KALRN: variants seen among roughly 807,000 people sequenced by gnomAD.
The protein encoded by KALRN is kalirin.
KALRN carries 70 observed loss-of-function variants against 353.7 expected under a neutral mutation model. That is an observed-to-expected ratio of 0.20 (90% CI 0.16 to 0.24). KALRN has a LOEUF of 0.24. Among genes scored for constraint, KALRN ranks in the 10% least tolerant of loss-of-function variants. The pLI is 1.00. For synonymous variants in KALRN, 1,391 were observed against 1,434.8 expected, an observed-to-expected ratio of 0.97 and a Z score of 0.69; for missense variants, 2,791 against 3,756.7, an observed-to-expected ratio of 0.74 and a Z score of 6.72.
intron 37 of KALRN, among the ~76,000 whole-genome samples, chr3:124,646,412 A>ATTTTTTTTTTTTTTTTTTTTT (rs1559758779): frequency 8.0e-5 from 10 of 125,526 alleles, no homozygotes; most frequent in Non-Finnish European, 1.1e-4. Context: ...TTTTTTTGAG[A>ATTTTTTTTTTTTTTTTTTTTT]CAGAGCCTTG....
At chr3:124,388,274 T>C (rs9823796) in intron 11 of KALRN, among the ~76,000 whole-genome samples, 17,729 of 152,198 alleles carry the variant, frequency 0.12, 1,277 homozygotes, top group Non-Finnish European at 0.16. Flanking sequence ...TTCTTTAAAG[T>C]AGGAAGTTTC....
chr3:124,481,416 C>T (rs1233533379), intron 27 of KALRN, among the ~76,000 whole-genome samples: 7 of 152,016 alleles, frequency 4.6e-5, no homozygotes, highest in East Asian at 1.9e-4. Flanking sequence ...CATGTTGCCC[C>T]GGCTGGTCTT....
intron 15 of KALRN, among the ~76,000 whole-genome samples, chr3:124,424,820 C>T (rs2092944448): frequency 6.6e-6 from 1 of 152,100 alleles, no homozygotes; most frequent in South Asian, 2.1e-4. Context: ...AGAACATGCC[C>T]ATGGGGAGAA....
chr3:124,185,458 C>T (rs2074103523), intron 1 of KALRN, among the ~76,000 whole-genome samples: 1 of 152,206 alleles, frequency 6.6e-6, no homozygotes, highest in Admixed American at 6.5e-5. Flanking sequence ...CCTCTCTTCC[C>T]TGCTACCTTT....
chr3:124,465,977 C>G (rs2060294717), intron 25 of KALRN, among the ~76,000 whole-genome samples: 1 of 151,800 alleles, frequency 6.6e-6, no homozygotes, highest in African/African-American at 2.4e-5. Flanking sequence ...TAGTATTGAT[C>G]TGTCTAAATG....
In KALRN at chr3:124,719,410, T is replaced by A; in HGVS notation, c.8901T>A (p.Asp2967Glu). ...TAGAACGTCGCAAGCACCAGAATGA[T>A]GTGCGGCCTATTCCCAATGTCAAGA... ...CFIERRKHQN[D>E]VRPIPNVKSY... The change falls in exon 60 of 60, where the codon GAT (aspartate) becomes GAA (glutamate). Residue 2967 changes from aspartate (D) to glutamate (E), a missense_variant. Coordinates refer to ENST00000682506, the MANE Select transcript of KALRN (RefSeq NM_001388419.1). The surrounding 1 kb of genome is among the most constrained non-coding windows in gnomAD (Gnocchi z 5.3). 6.2e-7 allele frequency: 1 copy of A among 1,614,158 alleles called. No individual in the cohort carries two copies. The highest frequency in any genetic ancestry group is 8.5e-7 in the Non-Finnish European group (1 of 1,180,036).
intron 1 of KALRN, among the ~76,000 whole-genome samples, chr3:124,186,051 GT>G (rs1033958359): frequency 6.6e-6 from 1 of 152,196 alleles, no homozygotes; most frequent in Admixed American, 6.5e-5. Flanking sequence ...CTGGAATCAG[GT>G]TACCTGGTTT....
intron 37 of KALRN, among the ~76,000 whole-genome samples, chr3:124,646,964 C>A (rs531417095): frequency 1.3e-5 from 2 of 152,288 alleles, no homozygotes; most frequent in South Asian, 4.1e-4. Context: ...AACGTTAAGA[C>A]TGACATTTCT....
rs71145464 is a variant in KALRN at position 124,618,086 on chromosome 3, C to CTTTTT, written c.5183-14298_5183-14294dup. Among the ~76,000 whole-genome samples the CTTTTT allele has an allele frequency of 2.1e-3, 133 of 63,354 alleles. 16 individuals are homozygous for CTTTTT. The highest frequency in any genetic ancestry group is 3.4e-3 in the Non-Finnish European group (121 of 36,066). The allele number at this position is 63,354 out of a possible 152,430, so 41.6% of individuals were successfully genotyped here. A position where few individuals can be genotyped will look rare whatever the true frequency, so the allele number is the denominator to read the frequency against. ...GGAAAGAAAATACCAGTGCAGAAAT[C>CTTTTT]TTTTTTTTTTTTTTTTTTTTTTTTT... On this transcript the variant is annotated intron_variant, in intron 34 of 59. Transcript: ENST00000682506.
At chr3:124,705,108 A>G (rs889612518) in intron 57 of KALRN, among the ~76,000 whole-genome samples, 1 of 152,188 alleles carries the variant, frequency 6.6e-6, no homozygotes, top group Non-Finnish European at 1.5e-5. Flanking sequence ...ACAGGCAACA[A>G]TGCAGTATAG....
At position 124,275,937 on chromosome 3, in the gene KALRN, A is replaced by G. The variant is rs532975832; in HGVS notation, c.969+6682A>G. On this transcript the variant is annotated intron_variant, in intron 5 of 59. Transcript: ENST00000682506. ...GGGTGGGGACATCCTCCACAGGGAA[A>G]GTTCTCTGGAAAAACAAGGTCTGTC... Among the ~76,000 whole-genome samples, 12 of 152,274 alleles carry G rather than the reference A, an allele frequency of 7.9e-5. No individual in the cohort carries two copies. In the East Asian group the frequency reaches 2.3e-3, roughly 29 times the overall value.
chr3:124,613,474 C>T (rs909058002), intron 34 of KALRN, among the ~76,000 whole-genome samples: 7 of 152,250 alleles, frequency 4.6e-5, no homozygotes, highest in Admixed American at 4.6e-4. Context: ...GGCAAGATAT[C>T]AGTTTGTTTT....
intron 9 of KALRN, among the ~76,000 whole-genome samples, chr3:124,338,765 G>A (rs1407904486): frequency 6.6e-6 from 1 of 152,072 alleles, no homozygotes; most frequent in Non-Finnish European, 1.5e-5. Flanking sequence ...TATTGTGTGG[G>A]AGTCTCTCTT....
At chr3:124,384,629 C>T in intron 10 of KALRN, 1 of 467,906 alleles carries the variant, frequency 2.1e-6, no homozygotes, top group Non-Finnish European at 3.8e-6. Flanking sequence ...TCTGAGAAAT[C>T]CCAGGGGTGG....
rs1559891345 is a variant in KALRN, at chr3:124,719,012, T to C, written c.8503T>C (p.Phe2835Leu). 2 of 1,614,152 alleles carry C rather than the reference T, an allele frequency of 1.2e-6. No individual in the cohort carries two copies. The highest frequency in any genetic ancestry group is 1.7e-6 in the Non-Finnish European group (2 of 1,180,024). ...GGATGCTGTCCAGATCTCGGGTCAC[T>C]TCCACATTCACCACCTGCTGGGGAA... ...LEDAVQISGH[F>L]HIHHLLGNPE... The change falls in exon 60 of 60, where the codon TTC (phenylalanine) becomes CTC (leucine). Residue 2835 changes from phenylalanine (F) to leucine (L), a missense_variant. Transcript: ENST00000682506. The surrounding 1 kb of genome is among the most constrained non-coding windows in gnomAD (Gnocchi z 5.3).
intron 1 of KALRN, among the ~76,000 whole-genome samples, chr3:124,111,575 C>A (rs1407094674): frequency 2.0e-5 from 3 of 152,196 alleles, no homozygotes; most frequent in African/African-American, 7.2e-5. Flanking sequence ...CTGTGTCTAT[C>A]ACAGTCTGTG....
intron 1 of KALRN, among the ~76,000 whole-genome samples, chr3:124,106,083 T>A (rs948113662): frequency 2.0e-5 from 3 of 152,148 alleles, no homozygotes; most frequent in African/African-American, 7.2e-5. Flanking sequence ...GAATTTGCAA[T>A]AACAGCTTGT....
At chr3:124,406,879 T>G (rs2091610643) in intron 13 of KALRN, among the ~76,000 whole-genome samples, 1 of 136,564 alleles carries the variant, frequency 7.3e-6, no homozygotes, top group Non-Finnish European at 1.5e-5. Flanking sequence ...TCACCCAAGC[T>G]GGAGTGCAGT....
chr3:124,500,426 A>T (rs922645899), intron 33 of KALRN, among the ~76,000 whole-genome samples: 1 of 152,274 alleles, frequency 6.6e-6, no homozygotes, highest in East Asian at 1.9e-4. Flanking sequence ...CATTTCTCAC[A>T]TAGGGTCTGT....
Sources: allele counts gnomAD v4.1 joint callset (sites outside exome capture counted in the v4.1 genomes callset), GRCh38; gene constraint gnomAD v4.1.1; non-coding constraint Gnocchi (gnomAD v3.1); transcripts MANE v1.5; gene names NCBI Gene and HGNC (gene_info 2026-07-23, HGNC 2026-07-21).